Variants in NPAS4 observed in about 807,000 individuals in gnomAD.
NPAS4 encodes neuronal PAS domain protein 4, also known as neuronal PAS domain-containing protein 4.
NPAS4 carries 10 observed loss-of-function variants against 64.0 expected under a neutral mutation model. The observed-to-expected ratio is 0.16, with a 90% CI of 0.10 to 0.26. NPAS4 has a LOEUF of 0.26. Ranked by LOEUF, NPAS4 falls within the 10% of genes least tolerant of loss-of-function variation. The probability of loss-of-function intolerance (pLI) is 1.00; values close to 1 mark genes in which losing one functional copy is unlikely to be tolerated. For missense variants in NPAS4, 886 were observed against 992.6 expected, an observed-to-expected ratio of 0.89 and a Z score of 1.44; for synonymous variants, 441 against 411.7, an observed-to-expected ratio of 1.07 and a Z score of -0.86.
chr11:66,420,528 C>G (rs1255656967), upstream of NPAS4, among the ~76,000 whole-genome samples: 1 of 152,242 alleles, frequency 6.6e-6, no homozygotes, highest in Non-Finnish European at 1.5e-5. Context: ...CAAGGAAAGT[C>G]CTCCTTCCCT....
In NPAS4 at chr11:66,424,192, T is replaced by C. The variant is rs1325758577; in HGVS notation, c.1302T>C (p.Cys434=). The C allele has an allele frequency of 3.1e-6, 5 of 1,613,616 alleles. No individual in the cohort carries two copies. The African/African-American group carries it at 6.7e-5, about 22-fold the overall frequency. Residue 434 remains cysteine, a synonymous_variant, in exon 7 of 8, where the codon TGT becomes TGC. Transcript: ENST00000311034. The part of the protein sequence containing the change: ...PPYTPHQPGG[C]AFLFSLHEPF... ...ACACGCCCCATCAGCCAGGAGGCTG[T>C]GCCTTCCTCTTCAGCCTCCATGAGC... is the stretch of plus-strand genomic sequence containing the variant.
At chr11:66,422,977 A>G in intron 4 of NPAS4, 36 bp downstream of exon 4, 1 of 1,594,558 alleles carries the variant, frequency 6.3e-7, no homozygotes, top group South Asian at 1.1e-5. Flanking sequence ...AGAGAAAGGC[A>G]GGCCAGAGAT....
the NPAS4 span, among the ~76,000 whole-genome samples, chr11:66,413,092 T>C: frequency 1.3e-5 from 2 of 152,152 alleles, no homozygotes; most frequent in African/African-American, 4.8e-5. Context: ...GACAATAAAT[T>C]CCTCACCAAA....
chr11:66,423,905 A>G lies in NPAS4; in HGVS notation c.1015A>G (p.Thr339Ala), dbSNP rs1219542734. 1 of 1,613,930 alleles carries G rather than the reference A, an allele frequency of 6.2e-7. No individual in the cohort carries two copies. The change falls in exon 7 of 8, where the codon ACT (threonine) becomes GCT (alanine). Residue 339 changes from threonine (T) to alanine (A), a missense_variant. Transcript: ENST00000311034. ...CACCCAGGCAGCTTATGTCCTGGGC[A>G]CTCCGACCATGCTGCCCTCATTCCC... ...EDTQAAYVLG[T>A]PTMLPSFPEN...
In NPAS4 at chr11:66,424,251, C is replaced by G. The variant is rs1856802964; in HGVS notation, c.1361C>G (p.Thr454Ser). 1.2e-6 allele frequency: 2 copies of G among 1,614,158 alleles called. No homozygotes were observed. Among genetic ancestry groups the G allele is most frequent in the Non-Finnish European group, 1.7e-6 (2 of 1,180,034 alleles). Residue 454 changes from threonine to serine, a missense_variant, in exon 7 of 8, where the codon ACT becomes AGT. Coordinates refer to ENST00000311034, the MANE Select transcript of NPAS4 (RefSeq NM_178864.4). ...FQTHLPTPSS[T>S]LQEQLTPSTA... ...ACCCATTTGCCCACCCCATCCAGCA[C>G]TCTTCAAGAACAGCTGACTCCAAGC...
chr11:66,424,694 G>A lies in NPAS4; in HGVS notation c.1804G>A (p.Val602Ile). Residue 602 changes from valine (V) to isoleucine (I), a missense_variant, in exon 7 of 8, where the codon GTC becomes ATC. This residue lies in a region of NPAS4 where 820 missense variants were observed against 855.5 expected (regional missense o/e 0.96). Coordinates refer to ENST00000311034, the MANE Select transcript of NPAS4 (RefSeq NM_178864.4). ...AQLRGPLSVDVPLVPEGLLTP... is the reference protein window; with the variant it reads ...AQLRGPLSVDIPLVPEGLLTP... ...GCTCCGGGGCCCCCTCTCTGTGGAT[G>A]TCCCCCTGGTGCCCGAAGGCCTGCT... 1 of 1,613,098 alleles carries A rather than the reference G, an allele frequency of 6.2e-7. No individual in the cohort carries two copies. Among genetic ancestry groups the A allele is most frequent in the Admixed American group, 1.7e-5 (1 of 59,954 alleles).
At position 66,421,263 on chromosome 11, in the gene NPAS4, G is replaced by C. The variant is rs769345997; in HGVS notation, c.84G>C (p.Pro28=). The part of the protein sequence containing the change: ...AEIRNLKELL[P]LAEADKVRLS... ...TCCGGAACCTCAAGGAGCTGCTGCC[G>C]CTGGCCGAAGCGGACAAGGTCCGGC... The change falls in exon 1 of 8, where the codon CCG becomes CCC. Residue 28 remains proline, a synonymous_variant. Coordinates refer to ENST00000311034, the MANE Select transcript of NPAS4 (RefSeq NM_178864.4). The C allele has an allele frequency of 1.2e-6, 2 of 1,614,034 alleles. No individual in the cohort carries two copies. Among genetic ancestry groups the C allele is most frequent in the South Asian group, 1.1e-5 (1 of 91,080 alleles).
upstream of NPAS4, among the ~76,000 whole-genome samples, chr11:66,418,330 C>T (rs1032433978): frequency 2.6e-5 from 4 of 152,248 alleles, 1 homozygote; most frequent in East Asian, 5.8e-4. Flanking sequence ...TTAGCAGCGG[C>T]CAGGAGCTCT....
Position 66,424,057 on chromosome 11 carries a change from G to A in NPAS4, c.1167G>A (p.Glu389=), listed in dbSNP as rs768145515. The change falls in exon 7 of 8, where the codon GAG becomes GAA. Residue 389 remains glutamate (E), a synonymous_variant. Coordinates refer to ENST00000311034, the MANE Select transcript of NPAS4 (RefSeq NM_178864.4). Reference sequence around the variant, plus strand: ...TGAGTGTTGTCTCTGCATCAGAAGAGCTTCCCCGACCCTCCAAAGAACTGG... The same window carrying A: ...TGAGTGTTGTCTCTGCATCAGAAGAACTTCCCCGACCCTCCAAAGAACTGG... ...PELSVVSASE[E]LPRPSKELDF... is the part of the protein sequence containing the mutation. 11 of 1,613,998 alleles carry A rather than the reference G, an allele frequency of 6.8e-6. No homozygotes were observed. In the Admixed American group the frequency reaches 1.7e-4, roughly 24 times the overall value.
chr11:66,426,150 G>GC lies in NPAS4; in HGVS notation c.*162dup. Reference sequence around the variant, plus strand: ...ATTTTGGGGGGGGGGAGGTGGGAGGGCAAGGGAGGGGAGCTTCTTTTTAAA... The same window carrying GC: ...ATTTTGGGGGGGGGGAGGTGGGAGGGCCAAGGGAGGGGAGCTTCTTTTTAAA... On this transcript the variant is annotated 3_prime_UTR_variant, in exon 8 of 8. Transcript: ENST00000311034. The GC allele has an allele frequency of 4.7e-6, 2 of 429,468 alleles. No individual in the cohort carries two copies. Among genetic ancestry groups the GC allele is most frequent in the Non-Finnish European group, 8.9e-6 (2 of 225,694 alleles). The allele number at this position is 429,468 out of a possible 1,614,324, so 26.6% of individuals were successfully genotyped here.
the NPAS4 span, among the ~76,000 whole-genome samples, chr11:66,411,241 G>C: frequency 3.9e-5 from 6 of 152,340 alleles, no homozygotes; most frequent in Middle Eastern, 0.01. Context: ...AGCCCAAGAG[G>C]CACTGGGACA....
chr11:66,416,371 G>T (rs949791747), upstream of NPAS4, among the ~76,000 whole-genome samples: 5 of 152,194 alleles, frequency 3.3e-5, no homozygotes, highest in African/African-American at 1.2e-4. Context: ...CCAAGCACGG[G>T]AGGAAACAAG....
chr11:66,418,890 G>T (rs1392823702), upstream of NPAS4, among the ~76,000 whole-genome samples: 1 of 152,126 alleles, frequency 6.6e-6, no homozygotes, highest in Non-Finnish European at 1.5e-5. Flanking sequence ...GACAGCGGTC[G>T]GCGCAGTATT....
the NPAS4 span, among the ~76,000 whole-genome samples, chr11:66,414,871 A>G: frequency 6.6e-6 from 1 of 152,228 alleles, no homozygotes; most frequent in South Asian, 2.1e-4. Flanking sequence ...AAAAAACAGT[A>G]GAAGTCAGGA....
chr11:66,421,067 A>G lies in NPAS4; in HGVS notation c.-113A>G, dbSNP rs1856733352. ...GCAGCCGAGCGGAGCCCAGGAGAGCAGAGAGCGAGCCTGAGCGAGAGACGG... is the reference window on the plus strand; with the variant it reads ...GCAGCCGAGCGGAGCCCAGGAGAGCGGAGAGCGAGCCTGAGCGAGAGACGG... On this transcript the variant is annotated 5_prime_UTR_variant, in exon 1 of 8. Coordinates refer to ENST00000311034, the MANE Select transcript of NPAS4 (RefSeq NM_178864.4). 3 of 906,214 alleles carry G rather than the reference A, an allele frequency of 3.3e-6. No individual in the cohort carries two copies. The highest frequency in any genetic ancestry group is 3.3e-6 in the Non-Finnish European group (2 of 601,384). 56.1% of individuals were successfully genotyped at this position (906,214 alleles called of 1,614,324 possible). A position where few individuals can be genotyped will look rare whatever the true frequency, so the allele number is the denominator to read the frequency against.
rs776960569 is a variant in NPAS4, at chr11:66,422,251, G to C, written c.307G>C (p.Glu103Gln). 1 of 1,614,034 alleles carries C rather than the reference G, an allele frequency of 6.2e-7. No homozygotes were observed. Among genetic ancestry groups the C allele is most frequent in the South Asian group, 1.1e-5 (1 of 91,080 alleles). ...KLLYLSESVS[E>Q]HLGHSMVDLV... ...GCTCTACCTGTCTGAGAGTGTGAGC[G>C]AGCATCTGGGCCACTCCATGGTGAG... Residue 103 changes from glutamate to glutamine, a missense_variant, in exon 2 of 8, where the codon GAG (glutamate) becomes CAG (glutamine). Transcript: ENST00000311034.
chr11:66,422,425 G>C, intron 2 of NPAS4, 26 bp from the exon 3 acceptor site: 1 of 1,558,864 alleles, frequency 6.4e-7, no homozygotes, highest in Non-Finnish European at 8.9e-7. Context: ...CTCCCTAATG[G>C]TCATCTCTTC....
the NPAS4 span, among the ~76,000 whole-genome samples, chr11:66,413,030 G>A: frequency 6.6e-6 from 1 of 152,216 alleles, no homozygotes; most frequent in Non-Finnish European, 1.5e-5. Context: ...AGTTGACAGT[G>A]GGCAAAGCAG....
chr11:66,420,938 G>T, upstream of NPAS4: 1 of 479,922 alleles, frequency 2.1e-6, no homozygotes, highest in South Asian at 2.9e-5. Flanking sequence ...GCTGCAGCTT[G>T]CTTAGCCCAG....
Sources: allele counts gnomAD v4.1 joint callset (sites outside exome capture counted in the v4.1 genomes callset), GRCh38; gene constraint gnomAD v4.1.1; regional missense constraint gnomAD v4.1.1; transcripts MANE v1.5; gene names NCBI Gene and HGNC (gene_info 2026-07-23, HGNC 2026-07-21).